The following DHDH variants were observed in gnomAD, a reference collection of about 807,000 sequenced individuals.
DHDH encodes the protein dihydrodiol dehydrogenase, also known as trans-1,2-dihydrobenzene-1,2-diol dehydrogenase.
Under a neutral mutation model 33.2 loss-of-function variants are expected in DHDH, and 29 were observed. The ratio of observed to expected loss-of-function variants is 0.87; its 90% CI spans 0.65 to 1.19. DHDH has a LOEUF of 1.19. Among genes scored for constraint, DHDH ranks in the 50% most tolerant of loss-of-function variants. DHDH has a pLI of 0.00. For missense variants in DHDH, 431 were observed against 455.0 expected (o/e 0.95, Z 0.48); for synonymous variants, 201 against 187.9 (o/e 1.07, Z -0.57).
At position 48,939,597 on chromosome 19, in the gene DHDH, G is replaced by A. The variant is rs984091958; in HGVS notation, c.515G>A (p.Gly172Glu). Residue 172 changes from glycine (G) to glutamate (E), a missense_variant, in exon 4 of 7, where the codon GGG becomes GAG. Gly to Glu is a moderately conservative substitution (Grantham distance 98). Transcript: ENST00000221403. The part of the protein sequence containing the change: ...PRAVDRAQAG[G>E]ALLDIGIYCV... ...GCCGTAGACCGGGCCCAGGCTGGGG[G>A]GGCCCTGCTGGACATCGGCATCTAC... is the stretch of plus-strand genomic sequence containing the variant. The A allele has an allele frequency of 3.1e-6, 5 of 1,614,110 alleles. No individual in the cohort carries two copies. The highest frequency in any genetic ancestry group is 3.3e-5 in the Admixed American group (2 of 60,002).
Position 48,939,545 on chromosome 19 carries a change from G to A in DHDH, c.463G>A (p.Gly155Arg), listed in dbSNP as rs1264086048. The part of the protein sequence containing the change: ...GDLRVARAEF[G>R]KNLIHVPRAV... ...CCTCCGGGTGGCTCGGGCAGAATTT[G>A]GGAAGAATCTCATCCACGTTCCCCG... The change falls in exon 4 of 7, where the codon GGG (glycine) becomes AGG (arginine). Residue 155 changes from glycine (G) to arginine (R), a missense_variant. Transcript: ENST00000221403. 6.2e-7 allele frequency: 1 copy of A among 1,613,918 alleles called. No individual in the cohort carries two copies. The highest frequency in any genetic ancestry group is 2.2e-5 in the East Asian group (1 of 44,848).
chr19:48,935,996 CG>C, intron 2 of DHDH, 35 bp from the exon 3 acceptor site: 2 of 1,562,872 alleles, frequency 1.3e-6, no homozygotes, highest in Non-Finnish European at 1.7e-6. Flanking sequence ...TCTGGGTGGG[CG>C]GGGCTGCTGA....
chr19:48,937,767 C>G (rs1361599011), intron 3 of DHDH, among the ~76,000 whole-genome samples: 1 of 150,570 alleles, frequency 6.6e-6, no homozygotes, highest in South Asian at 2.2e-4. Flanking sequence ...AGCTAAGATC[C>G]CGACACTGCA....
upstream of DHDH, chr19:48,933,620 T>A: frequency 9.2e-7 from 1 of 1,088,400 alleles, no homozygotes; most frequent in Non-Finnish European, 1.4e-6. Context: ...GTAGGCGCAA[T>A]ACGGGCGGAG....
rs573500766 is a variant in DHDH at position 48,942,705 on chromosome 19, T to G, written c.744+141T>G. ...GTTCCTCCTTAACCAAGCCAAGAGG[T>G]GGGTTCTGGGCCTCTAGGCTCTCCT... On this transcript the variant is annotated intron_variant, in intron 5 of 6. Transcript: ENST00000221403. 3.8e-5 allele frequency: 53 copies of G among 1,386,010 alleles called. No homozygotes were observed. The East Asian group carries it at 1.4e-3, about 35-fold the overall frequency. The allele number at this position is 1,386,010 out of a possible 1,614,324, so 85.9% of individuals were successfully genotyped here.
intron 3 of DHDH, among the ~76,000 whole-genome samples, chr19:48,937,827 A>G (rs953220033): frequency 1.4e-4 from 17 of 117,676 alleles, no homozygotes; most frequent in South Asian, 1.4e-3. Context: ...AAAAAAAAAA[A>G]AAAAAAGAAA....
chr19:48,942,594 AT>A, intron 5 of DHDH, 30 bp downstream of exon 5: 5 of 1,599,754 alleles, frequency 3.1e-6, no homozygotes, highest in Non-Finnish European at 4.3e-6. Flanking sequence ...AGCGCTGGGG[AT>A]CGTGCCCCTA....
intron 3 of DHDH, among the ~76,000 whole-genome samples, chr19:48,938,564 C>T (rs1243090096): frequency 3.9e-5 from 6 of 152,040 alleles, no homozygotes; most frequent in Non-Finnish European, 8.8e-5. Flanking sequence ...GGCCTGCATG[C>T]TCTATACCTA....
chr19:48,939,238 G>A (rs560467551), intron 3 of DHDH, among the ~76,000 whole-genome samples: 65 of 151,670 alleles, frequency 4.3e-4, no homozygotes, highest in African/African-American at 1.4e-3. Flanking sequence ...CCAGGAGTTC[G>A]AGACCAGCCT....
At chr19:48,940,690 C>T (rs143132153) in intron 4 of DHDH, among the ~76,000 whole-genome samples, 4 of 152,186 alleles carry the variant, frequency 2.6e-5, no homozygotes, top group Non-Finnish European at 2.9e-5. Flanking sequence ...CCTGTCTCTA[C>T]GAAAAGTGCA....
intron 5 of DHDH, among the ~76,000 whole-genome samples, chr19:48,943,631 G>A (rs1007332922): frequency 5.3e-5 from 8 of 152,168 alleles, no homozygotes; most frequent in Admixed American, 5.2e-4. Context: ...TTTGTGACCA[G>A]CCTGACCAAC....
At chr19:48,939,846 A>G in intron 4 of DHDH, 145 bp downstream of exon 4, 1 of 1,234,134 alleles carries the variant, frequency 8.1e-7, no homozygotes, top group Non-Finnish European at 1.1e-6. Context: ...AGAGGATCAG[A>G]GTCAAGACTG....
chr19:48,944,086 G>T (rs910421458), intron 5 of DHDH, among the ~76,000 whole-genome samples: 1 of 152,168 alleles, frequency 6.6e-6, no homozygotes, highest in Admixed American at 6.5e-5. Flanking sequence ...TAGACCTTAA[G>T]AACACCTTGT....
intron 5 of DHDH, among the ~76,000 whole-genome samples, chr19:48,943,224 AGT>A (rs2037891151): frequency 6.6e-6 from 1 of 152,048 alleles, no homozygotes; most frequent in South Asian, 2.1e-4. Flanking sequence ...TGAGTGACAG[AGT>A]GAGATCCTGT....
chr19:48,938,845 C>T (rs2037817474), intron 3 of DHDH, among the ~76,000 whole-genome samples: 1 of 152,076 alleles, frequency 6.6e-6, no homozygotes, highest in East Asian at 1.9e-4. Flanking sequence ...GACGGGGTTT[C>T]ACCGTGTTGG....
chr19:48,944,851 T>C lies in DHDH; in HGVS notation c.923T>C (p.Leu308Pro), dbSNP rs778648524. 1 of 1,613,888 alleles carries C rather than the reference T, an allele frequency of 6.2e-7. No homozygotes were observed. The highest frequency in any genetic ancestry group is 8.5e-7 in the Non-Finnish European group (1 of 1,180,022). Residue 308 changes from leucine to proline, a missense_variant, in exon 7 of 7, where the codon CTG (leucine) becomes CCG (proline). By Grantham distance (98) the Leu-to-Pro change is moderately conservative. Coordinates refer to ENST00000221403, the MANE Select transcript of DHDH (RefSeq NM_014475.4). ...ATGAAGGAAAGTCCTGTGATTCCCC[T>C]GTCGGAAAGTGAGCTCCTGGCTGAC... ...KGMKESPVIPLSESELLADIL... is the reference protein window; with the variant it reads ...KGMKESPVIPPSESELLADIL...
rs1360939804 is a variant in DHDH, at chr19:48,942,489, T to C, written c.669T>C (p.His223=). Residue 223 remains histidine, a synonymous_variant, in exon 5 of 7, where the codon CAT becomes CAC. Coordinates refer to ENST00000221403, the MANE Select transcript of DHDH (RefSeq NM_014475.4). Reference sequence around the variant, plus strand: ...TCCTGCAGTACCCAGGGGAGGTCCATGGCAGCTTCACCTGCAGCATCACCG... The same window carrying C: ...TCCTGCAGTACCCAGGGGAGGTCCACGGCAGCTTCACCTGCAGCATCACCG... ...TVLLQYPGEV[H]GSFTCSITVQ... 1 of 1,613,780 alleles carries C rather than the reference T, an allele frequency of 6.2e-7. No homozygotes were observed. Among genetic ancestry groups the C allele is most frequent in the Non-Finnish European group, 8.5e-7 (1 of 1,179,890 alleles).
At chr19:48,939,859 G>C (rs1169249377) in intron 4 of DHDH, among the ~76,000 whole-genome samples, 158 bp downstream of exon 4, 1 of 152,120 alleles carries the variant, frequency 6.6e-6, no homozygotes, top group Non-Finnish European at 1.5e-5. Context: ...CAAGACTGCA[G>C]GTGGGCACTC....
intron 1 of DHDH, among the ~76,000 whole-genome samples, chr19:48,934,729 CTCTT>C (rs112494366): frequency 0.34 from 50,891 of 151,630 alleles, 11,983 homozygotes; most frequent in African/African-American, 0.66. Flanking sequence ...AATCTGATCT[CTCTT>C]TCTTTTCCCC....
Sources: gnomAD v4.1 joint callset for allele counts (sites outside exome capture counted in the v4.1 genomes callset) on GRCh38, gnomAD v4.1.1 for gene constraint, MANE v1.5 for transcripts, NCBI Gene and HGNC (gene_info 2026-07-23, HGNC 2026-07-21) for gene names.